The following CADM2 variants were observed in gnomAD, a reference collection of about 807,000 sequenced individuals.
CADM2 encodes immunoglobulin superfamily member 4D.
In CADM2, 12 loss-of-function variants were observed where a neutral mutation model predicts 49.8. The observed-to-expected ratio is 0.24, with a 90% CI of 0.15 to 0.39. The LOEUF is 0.39. Ranked by LOEUF, CADM2 falls within the 10% of genes least tolerant of loss-of-function variation. CADM2 has a pLI of 1.00. For synonymous variants in CADM2, 214 were observed against 175.4 expected (o/e 1.22, Z -1.74); for missense variants, 378 against 492.3 (o/e 0.77, Z 2.20).
At chr3:85,056,101 A>T (rs2036069341) in intron 1 of CADM2, among the ~76,000 whole-genome samples, 2 of 152,236 alleles carry the variant, frequency 1.3e-5, no homozygotes, top group South Asian at 4.1e-4. Context: ...GAAAGTTATT[A>T]TACACATTAA....
chr3:85,705,381 A>G (rs533460125), intron 1 of CADM2, among the ~76,000 whole-genome samples: 45 of 152,268 alleles, frequency 3.0e-4, no homozygotes, highest in African/African-American at 1.0e-3. Context: ...TAGAGATTTA[A>G]AGCACAGAGA....
intron 8 of CADM2, among the ~76,000 whole-genome samples, chr3:86,025,020 A>G (rs1315488490): frequency 6.6e-6 from 1 of 151,376 alleles, no homozygotes; most frequent in East Asian, 1.9e-4. Flanking sequence ...CTGGGATTAC[A>G]GGCATGCACC....
At chr3:85,298,587 GAGAGA>G (rs1360739918) in intron 1 of CADM2, among the ~76,000 whole-genome samples, 4 of 152,094 alleles carry the variant, frequency 2.6e-5, no homozygotes, top group Non-Finnish European at 5.9e-5. Flanking sequence ...GGAAATTCAA[GAGAGA>G]GCTTCTTAAA....
intron 5 of CADM2, among the ~76,000 whole-genome samples, chr3:85,888,950 T>G (rs181062079): frequency 9.3e-4 from 141 of 152,242 alleles, no homozygotes; most frequent in African/African-American, 3.2e-3. Flanking sequence ...TGACACGTTT[T>G]AAAAAGACAC....
At chr3:85,330,852 C>T (rs1265343577) in intron 1 of CADM2, among the ~76,000 whole-genome samples, 2 of 151,102 alleles carry the variant, frequency 1.3e-5, no homozygotes, top group African/African-American at 2.4e-5. Context: ...GTTTCAGCTA[C>T]TCAGGAGGCT....
chr3:85,928,002 C>A (rs1488434662), intron 6 of CADM2, among the ~76,000 whole-genome samples: 1 of 152,064 alleles, frequency 6.6e-6, no homozygotes, highest in Non-Finnish European at 1.5e-5. Context: ...CATCACAGGT[C>A]TTTTCTCTTT....
chr3:85,791,261 C>T (rs2071306814), intron 2 of CADM2, among the ~76,000 whole-genome samples: 1 of 152,292 alleles, frequency 6.6e-6, no homozygotes, highest in Non-Finnish European at 1.5e-5. Flanking sequence ...TTGTGCTTTT[C>T]AGTCCAGTAG....
At chr3:85,746,079 C>G (rs1406340652) in intron 2 of CADM2, among the ~76,000 whole-genome samples, 5 of 152,122 alleles carry the variant, frequency 3.3e-5, no homozygotes, top group Non-Finnish European at 7.3e-5. Flanking sequence ...TTTACTAGTA[C>G]TTTTTAAAAG....
At chr3:85,627,154 T>C (rs2107508737) in intron 1 of CADM2, among the ~76,000 whole-genome samples, 1 of 152,130 alleles carries the variant, frequency 6.6e-6, no homozygotes, top group East Asian at 1.9e-4. Context: ...AAACCTTGTG[T>C]CTGATACTTA....
At chr3:85,928,228 G>A (rs180700097) in intron 6 of CADM2, among the ~76,000 whole-genome samples, 1 of 149,928 alleles carries the variant, frequency 6.7e-6, no homozygotes, top group African/African-American at 2.5e-5. Flanking sequence ...GCACGATCTC[G>A]GCTCACTGTA....
intron 1 of CADM2, among the ~76,000 whole-genome samples, chr3:85,346,292 C>G (rs988560482): frequency 1.3e-5 from 2 of 152,064 alleles, no homozygotes; most frequent in Non-Finnish European, 2.9e-5. Context: ...TAAATAACTT[C>G]TTATAGAAAA....
chr3:85,125,405 G>T (rs374474080), intron 1 of CADM2, among the ~76,000 whole-genome samples: 1 of 151,242 alleles, frequency 6.6e-6, no homozygotes, highest in Admixed American at 6.6e-5. Context: ...GTCTTAGTCT[G>T]TTGCCCAGGC....
intron 1 of CADM2, among the ~76,000 whole-genome samples, chr3:85,388,637 C>A (rs979302651): frequency 6.6e-6 from 1 of 151,948 alleles, no homozygotes; most frequent in Non-Finnish European, 1.5e-5. Context: ...GATACACAAG[C>A]TCTGATTATG....
chr3:85,772,587 A>C (rs974848768), intron 2 of CADM2, among the ~76,000 whole-genome samples: 2 of 152,130 alleles, frequency 1.3e-5, no homozygotes, highest in Non-Finnish European at 2.9e-5. Flanking sequence ...ATAGAATTTC[A>C]AAGTGTTAAT....
chr3:85,639,780 A>G (rs1238744662), intron 1 of CADM2, among the ~76,000 whole-genome samples: 1 of 152,170 alleles, frequency 6.6e-6, no homozygotes, highest in African/African-American at 2.4e-5. Flanking sequence ...AGACTATCAG[A>G]GCCCTGAATC....
intron 1 of CADM2, among the ~76,000 whole-genome samples, chr3:85,537,392 C>A (rs544983866): frequency 3.9e-5 from 6 of 152,062 alleles, no homozygotes; most frequent in Non-Finnish European, 7.4e-5. Flanking sequence ...CAATGTAATT[C>A]TGAATTCAAT....
chr3:85,034,542 T>C (rs547088545), intron 1 of CADM2, among the ~76,000 whole-genome samples: 1 of 152,294 alleles, frequency 6.6e-6, no homozygotes, highest in South Asian at 2.1e-4. Context: ...CTATTGTGAA[T>C]AGTGCTGCAA....
At chr3:85,385,659 T>G (rs958717983) in intron 1 of CADM2, 12 of 152,074 alleles carry the variant, frequency 7.9e-5, no homozygotes, top group Admixed American at 7.2e-4. Flanking sequence ...TATATTCTTT[T>G]TTAATTATGT....
chr3:85,436,159 T>A (rs1009918395), intron 1 of CADM2, among the ~76,000 whole-genome samples: 47 of 152,166 alleles, frequency 3.1e-4, no homozygotes, highest in African/African-American at 1.1e-3. Flanking sequence ...GTTGGATTCC[T>A]AAGTATTTTA....
Sources: gnomAD v4.1 joint callset for allele counts (sites outside exome capture counted in the v4.1 genomes callset) on GRCh38, gnomAD v4.1.1 for gene constraint, MANE v1.5 for transcripts, NCBI Gene and HGNC (gene_info 2026-07-23, HGNC 2026-07-21) for gene names.